The following EBF1 variants were observed in gnomAD, a reference collection of about 807,000 sequenced individuals.
The protein encoded by EBF1 is transcription factor COE1.
In EBF1, 10 loss-of-function variants were observed where a neutral mutation model predicts 68.4. The ratio of observed to expected loss-of-function variants is 0.15; its 90% CI spans 0.09 to 0.25. The LOEUF is 0.25. Ranked by LOEUF, EBF1 falls within the 10% of genes least tolerant of loss-of-function variation. The pLI is 1.00. For synonymous variants in EBF1, 298 were observed against 299.8 expected (o/e 0.99, Z 0.06); for missense variants, 509 against 794.4 (o/e 0.64, Z 4.32).
In EBF1 at chr5:159,096,331, C is replaced by T. The variant is rs1782601559; in HGVS notation, c.355+12G>A. 3 of 1,612,414 alleles carry T rather than the reference C, an allele frequency of 1.9e-6. No individual in the cohort carries two copies. The highest frequency in any genetic ancestry group is 2.5e-6 in the Non-Finnish European group (3 of 1,179,356). ...CCCCAGGGTGAGGCCATAGACCCGA[C>T]CCGGGCCTCACCATTGCTGTAGAGA... On this transcript the variant is annotated intron_variant, in intron 3 of 15. Transcript: ENST00000313708.
At chr5:158,740,015 CT>C (rs1439251530) in intron 10 of EBF1, among the ~76,000 whole-genome samples, 2 of 152,178 alleles carry the variant, frequency 1.3e-5, no homozygotes, top group Non-Finnish European at 2.9e-5. Flanking sequence ...TGTACTCTGG[CT>C]TGTAGCTTTT....
At chr5:158,789,790 G>A (rs991095516) in intron 9 of EBF1, among the ~76,000 whole-genome samples, 4 of 152,188 alleles carry the variant, frequency 2.6e-5, no homozygotes, top group African/African-American at 7.2e-5. Flanking sequence ...GGAAACTTCC[G>A]GTGGAATACC....
intron 6 of EBF1, among the ~76,000 whole-genome samples, chr5:158,858,663 C>T (rs913560405): frequency 2.6e-5 from 4 of 152,178 alleles, no homozygotes; most frequent in Non-Finnish European, 4.4e-5. Context: ...TATTATGTTG[C>T]AAAATATCAA....
intron 6 of EBF1, among the ~76,000 whole-genome samples, chr5:158,847,381 G>A (rs1331531536): frequency 6.6e-6 from 1 of 152,168 alleles, no homozygotes; most frequent in African/African-American, 2.4e-5. Context: ...AATAGGTAGA[G>A]GACAGGACAA....
At chr5:158,903,082 G>A (rs1394394675) in intron 6 of EBF1, among the ~76,000 whole-genome samples, 2 of 152,208 alleles carry the variant, frequency 1.3e-5, no homozygotes, top group East Asian at 3.8e-4. Context: ...ACTGCCATTA[G>A]GTTGAGACTC....
At chr5:158,972,781 G>T (rs75282878) in intron 6 of EBF1, among the ~76,000 whole-genome samples, 1 of 152,152 alleles carries the variant, frequency 6.6e-6, no homozygotes, top group Non-Finnish European at 1.5e-5. Flanking sequence ...CTTGGGCAGC[G>T]CCACCTGCTA....
chr5:159,074,527 C>T (rs963830509), intron 5 of EBF1, among the ~76,000 whole-genome samples: 4 of 152,202 alleles, frequency 2.6e-5, no homozygotes, highest in Admixed American at 6.5e-5. Flanking sequence ...CACATACGCG[C>T]ACACTTACAA....
chr5:158,749,431 C>G (rs1768286493), intron 10 of EBF1, among the ~76,000 whole-genome samples: 1 of 152,114 alleles, frequency 6.6e-6, no homozygotes, highest in South Asian at 2.1e-4. Context: ...CTAAAACCAA[C>G]AGTGACCATA....
chr5:158,936,850 T>A (rs1315899854), intron 6 of EBF1, among the ~76,000 whole-genome samples: 2 of 152,026 alleles, frequency 1.3e-5, no homozygotes, highest in Admixed American at 6.5e-5. Flanking sequence ...GATGGGTAAA[T>A]GAATAAAATG....
chr5:158,928,331 T>C (rs969636895), intron 6 of EBF1, among the ~76,000 whole-genome samples: 7 of 152,158 alleles, frequency 4.6e-5, no homozygotes, highest in African/African-American at 1.4e-4. Flanking sequence ...CATTCATTGT[T>C]CTCCCCTTTT....
intron 6 of EBF1, among the ~76,000 whole-genome samples, chr5:159,062,592 T>C (rs1185847457): frequency 6.6e-6 from 1 of 152,180 alleles, no homozygotes; most frequent in Non-Finnish European, 1.5e-5. Flanking sequence ...AGTCTTCTAA[T>C]AGTATATAAA....
At chr5:158,700,142 C>A (rs1307145841) in intron 15 of EBF1, among the ~76,000 whole-genome samples, 6 of 152,250 alleles carry the variant, frequency 3.9e-5, no homozygotes, top group Non-Finnish European at 5.9e-5. Context: ...ATCACTTCTG[C>A]TACTAAACTA....
chr5:159,001,403 T>A (rs1252784499), intron 6 of EBF1, among the ~76,000 whole-genome samples: 1 of 152,212 alleles, frequency 6.6e-6, no homozygotes, highest in African/African-American at 2.4e-5. Flanking sequence ...TCAAAATCAC[T>A]GGTCTAGCAT....
intron 6 of EBF1, among the ~76,000 whole-genome samples, chr5:158,940,254 G>A (rs1812948224): frequency 6.6e-6 from 1 of 152,174 alleles, no homozygotes; most frequent in Non-Finnish European, 1.5e-5. Flanking sequence ...GAGATTGTGT[G>A]CAGGACGGTT....
At chr5:158,784,292 T>C (rs1776995171) in intron 9 of EBF1, among the ~76,000 whole-genome samples, 1 of 152,216 alleles carries the variant, frequency 6.6e-6, no homozygotes, top group Non-Finnish European at 1.5e-5. Context: ...ATGACCATCA[T>C]TATACAACCA....
chr5:158,765,667 CTGT>C (rs776316699), intron 10 of EBF1, among the ~76,000 whole-genome samples: 5 of 152,144 alleles, frequency 3.3e-5, no homozygotes, highest in Non-Finnish European at 5.9e-5. Context: ...AGTCGCTCTT[CTGT>C]TGTTGTTTCT....
At chr5:158,901,845 C>T (rs1803423659) in intron 6 of EBF1, among the ~76,000 whole-genome samples, 1 of 152,178 alleles carries the variant, frequency 6.6e-6, no homozygotes, top group South Asian at 2.1e-4. Context: ...AATACCAGCA[C>T]TTTGGGAAGC....
At chr5:158,847,825 G>A (rs930922744) in intron 6 of EBF1, among the ~76,000 whole-genome samples, 1 of 152,180 alleles carries the variant, frequency 6.6e-6, no homozygotes, top group Non-Finnish European at 1.5e-5. Flanking sequence ...AATTTCTACT[G>A]GGAATCATGG....
intron 6 of EBF1, among the ~76,000 whole-genome samples, chr5:158,886,731 G>A (rs1481891895): frequency 1.3e-5 from 2 of 152,216 alleles, no homozygotes; most frequent in Non-Finnish European, 2.9e-5. Flanking sequence ...GGAGACTTAG[G>A]CTGGGCATGG....
Sources: allele counts gnomAD v4.1 joint callset (sites outside exome capture counted in the v4.1 genomes callset), GRCh38; gene constraint gnomAD v4.1.1; transcripts MANE v1.5; gene names NCBI Gene and HGNC (gene_info 2026-07-23, HGNC 2026-07-21).